Variants in NRG1 observed in about 807,000 individuals in gnomAD.
NRG1 encodes pro-neuregulin-1, membrane-bound isoform.
Under a neutral mutation model 63.8 loss-of-function variants are expected in NRG1, and 18 were observed. The ratio of observed to expected loss-of-function variants is 0.28; its 90% CI spans 0.19 to 0.42. The LOEUF (loss-of-function observed/expected upper bound fraction) is 0.42. NRG1 is among the 10% of genes least tolerant of loss of function. The pLI is 1.00. For synonymous variants in NRG1, 302 were observed against 301.3 expected, an observed-to-expected ratio of 1.00 and a Z score of -0.02; for missense variants, 762 against 814.7, an observed-to-expected ratio of 0.94 and a Z score of 0.79.
At chr8:32,530,298 G>A (rs564603230) in intron 1 of NRG1, among the ~76,000 whole-genome samples, 235 of 152,030 alleles carry the variant, frequency 1.5e-3, no homozygotes, top group Non-Finnish European at 2.9e-3. Context: ...TTGTAGAGAC[G>A]GGGTTTCACC....
rs190882622 is a variant in NRG1 at position 32,136,400 on chromosome 8, C to T, written c.38-459428C>T. Among the ~76,000 whole-genome samples the T allele has an allele frequency of 7.9e-5, 12 of 152,284 alleles. No individual in the cohort carries two copies. The East Asian group carries it at 2.3e-3, about 29-fold the overall frequency. ...GCTATTGTCATAAAGTCCGTGGTCT[C>T]TGACCCAAAGTCTCATGTCCCCTGC... On this transcript the variant is annotated intron_variant, in intron 1 of 10. Transcript: ENST00000519301.
At chr8:31,952,513 CCTTAGGGA>C (rs1803638682) in intron 1 of NRG1, among the ~76,000 whole-genome samples, 1 of 152,172 alleles carries the variant, frequency 6.6e-6, no homozygotes, top group Non-Finnish European at 1.5e-5. Flanking sequence ...GTACCACCTG[CCTTAGGGA>C]CTTCAACAAG....
chr8:31,776,765 A>G (rs1369251070), intron 1 of NRG1, among the ~76,000 whole-genome samples: 1 of 151,290 alleles, frequency 6.6e-6, no homozygotes, highest in African/African-American at 2.4e-5. Context: ...TTCAATTCCC[A>G]CCTATGAGTG....
chr8:32,245,857 C>G (rs1848546870), intron 1 of NRG1, among the ~76,000 whole-genome samples: 1 of 152,130 alleles, frequency 6.6e-6, no homozygotes, highest in Non-Finnish European at 1.5e-5. Flanking sequence ...AACTCACCAA[C>G]AGATTTACCT....
intron 1 of NRG1, among the ~76,000 whole-genome samples, chr8:32,154,983 G>A (rs1837893839): frequency 6.6e-6 from 1 of 152,156 alleles, no homozygotes; most frequent in Non-Finnish European, 1.5e-5. Flanking sequence ...GTTCTCATAT[G>A]TGCTGCATAT....
Position 32,221,916 on chromosome 8 carries a change from T to TA in NRG1, c.38-373911dup, listed in dbSNP as rs142494465. 5.9e-3 allele frequency among the ~76,000 whole-genome samples: 903 copies of TA among 152,334 alleles called. 9 individuals carry two copies. The highest frequency in any genetic ancestry group is 0.021 in the African/African-American group (853 of 41,588). ...ATTCAAAGGATTTTATTTTCACACT[T>TA]ACAATTCTTTACTTGTCTGTCATTC... On this transcript the variant is annotated intron_variant, in intron 1 of 10. Transcript: ENST00000519301.
intron 1 of NRG1, among the ~76,000 whole-genome samples, chr8:32,251,478 T>C (rs1202307236): frequency 6.6e-6 from 1 of 152,212 alleles, no homozygotes; most frequent in Non-Finnish European, 1.5e-5. Flanking sequence ...TTGGGTTGGA[T>C]CCAAGTCTTT....
At chr8:32,316,071 CA>C (rs1395679876) in intron 1 of NRG1, among the ~76,000 whole-genome samples, 1 of 151,956 alleles carries the variant, frequency 6.6e-6, no homozygotes, top group Non-Finnish European at 1.5e-5. Context: ...TGAAGAAAAA[CA>C]AACAAATAAG....
At chr8:32,228,697 T>C (rs1169733247) in intron 1 of NRG1, among the ~76,000 whole-genome samples, 26 of 152,238 alleles carry the variant, frequency 1.7e-4, no homozygotes, top group Non-Finnish European at 8.8e-5. Context: ...TACTCTATTT[T>C]TGATCACAGA....
At chr8:32,530,377 G>C (rs1831337392) in intron 1 of NRG1, among the ~76,000 whole-genome samples, 1 of 152,144 alleles carries the variant, frequency 6.6e-6, no homozygotes, top group African/African-American at 2.4e-5. Context: ...AAAGTGCTGG[G>C]ATTACAGGCG....
intron 1 of NRG1, among the ~76,000 whole-genome samples, chr8:32,537,195 C>CAAAAAAAAAAAAAAAAAAAAAA (rs71208193): frequency 1.1e-4 from 5 of 43,814 alleles, no homozygotes; most frequent in Admixed American, 4.3e-4. Context: ...GACTCCATCT[C>CAAAAAAAAAAAAAAAAAAAAAA]AAAAAAAAAA....
intron 1 of NRG1, among the ~76,000 whole-genome samples, chr8:31,980,477 C>T (rs1318559661): frequency 1.3e-5 from 2 of 151,932 alleles, no homozygotes; most frequent in Non-Finnish European, 2.9e-5. Context: ...CTAGAGTTTC[C>T]TAATAGCCAA....
intron 5 of NRG1, among the ~76,000 whole-genome samples, chr8:32,689,706 T>C (rs1481511639): frequency 6.6e-6 from 1 of 152,172 alleles, no homozygotes; most frequent in Non-Finnish European, 1.5e-5. Flanking sequence ...AATATACATA[T>C]ACATATTTAT....
At chr8:32,035,311 G>T (rs1026445446) in intron 1 of NRG1, among the ~76,000 whole-genome samples, 2 of 152,102 alleles carry the variant, frequency 1.3e-5, no homozygotes, top group South Asian at 4.2e-4. Context: ...GAGACTGTTT[G>T]TTGTTATTTC....
chr8:32,456,759 CACGGGTGGTTGG>C (rs1478582976), intron 1 of NRG1, among the ~76,000 whole-genome samples: 1 of 152,166 alleles, frequency 6.6e-6, no homozygotes, highest in Non-Finnish European at 1.5e-5. Context: ...TGCAGATTTT[CACGGGTGGTTGG>C]ACCCCCCCAG....
chr8:32,171,079 T>C (rs1194599006), intron 1 of NRG1, among the ~76,000 whole-genome samples: 1 of 152,080 alleles, frequency 6.6e-6, no homozygotes, highest in African/African-American at 2.4e-5. Flanking sequence ...GTTGGGGGGA[T>C]AGGGAGGAGA....
rs1312336908 is a variant in NRG1, at chr8:31,686,416, T to A, written c.37+46985T>A. On this transcript the variant is annotated intron_variant, in intron 1 of 10. Coordinates refer to the NRG1 transcript ENST00000519301. ...CTTCCTGAACTGATGAAATTCATGA[T>A]TTTTGTGTATAGACATTTACAAATA... 2.0e-5 allele frequency among the ~76,000 whole-genome samples: 3 copies of A among 152,154 alleles called. No homozygotes were observed. In the East Asian group the frequency reaches 5.8e-4, roughly 29 times the overall value.
chr8:32,467,203 A>C (rs2129489927), intron 1 of NRG1, among the ~76,000 whole-genome samples: 1 of 152,338 alleles, frequency 6.6e-6, no homozygotes, highest in East Asian at 1.9e-4. Context: ...TGCCCATGGC[A>C]AGAAAATATG....
chr8:32,300,229 C>G (rs1195046321), intron 1 of NRG1, among the ~76,000 whole-genome samples: 1 of 151,812 alleles, frequency 6.6e-6, no homozygotes, highest in Non-Finnish European at 1.5e-5. Context: ...ACTCTGAGAT[C>G]GTTAACACTT....
Sources: allele counts gnomAD v4.1 joint callset (sites outside exome capture counted in the v4.1 genomes callset), GRCh38; gene constraint gnomAD v4.1.1; transcripts MANE v1.5; gene names NCBI Gene and HGNC (gene_info 2026-07-23, HGNC 2026-07-21).